The following PDE9A variants were observed in gnomAD, a reference collection of about 807,000 sequenced individuals.
PDE9A encodes phosphodiesterase 9A.
A neutral mutation model predicts 87.4 loss-of-function variants in PDE9A; 60 were observed. The observed-to-expected ratio is 0.69, with a 90% CI of 0.56 to 0.85. PDE9A has a LOEUF of 0.85. Ranked by LOEUF, PDE9A falls within the 40% of genes least tolerant of loss-of-function variation. The pLI, the probability that PDE9A is intolerant of heterozygous loss-of-function variation, is 0.00. For synonymous variants in PDE9A, 272 were observed against 279.4 expected, an observed-to-expected ratio of 0.97 and a Z score of 0.27; for missense variants, 665 against 779.0, an observed-to-expected ratio of 0.85 and a Z score of 1.74.
chr21:42,731,053 G>A (rs1350375131), intron 4 of PDE9A, among the ~76,000 whole-genome samples: 1 of 152,166 alleles, frequency 6.6e-6, no homozygotes, highest in Non-Finnish European at 1.5e-5. Context: ...TGCCTCCCAG[G>A]TTCAAGTGAT....
In PDE9A at chr21:42,763,379, C is replaced by T. The variant is rs904986011; in HGVS notation, c.1242+1140C>T. Among the ~76,000 whole-genome samples the T allele has an allele frequency of 2.6e-5, 4 of 152,044 alleles. No individual in the cohort carries two copies. In the East Asian group the frequency reaches 5.8e-4, roughly 22 times the overall value. Reference sequence around the variant, plus strand: ...AAATCCAAAGACTAGTGTCCTTGGACGAGGAGACAGAGTAGAAAACAGCCC... The same window carrying T: ...AAATCCAAAGACTAGTGTCCTTGGATGAGGAGACAGAGTAGAAAACAGCCC... On this transcript the variant is annotated intron_variant, in intron 14 of 19. Coordinates refer to ENST00000291539, the MANE Select transcript of PDE9A (RefSeq NM_002606.3).
chr21:42,721,555 TGTC>T (rs1291576050), intron 4 of PDE9A, among the ~76,000 whole-genome samples: 3 of 152,228 alleles, frequency 2.0e-5, no homozygotes, highest in Non-Finnish European at 2.9e-5. Flanking sequence ...ATAAAGGAAA[TGTC>T]GTCCTTGATC....
intron 3 of PDE9A, among the ~76,000 whole-genome samples, chr21:42,691,782 C>T (rs1182737426): frequency 6.6e-6 from 1 of 151,790 alleles, no homozygotes; most frequent in Admixed American, 6.6e-5. Context: ...CATCACCATC[C>T]AAAGTCTTCC....
At chr21:42,666,713 C>G (rs1329022272) in intron 1 of PDE9A, among the ~76,000 whole-genome samples, 1 of 152,172 alleles carries the variant, frequency 6.6e-6, no homozygotes. Context: ...ACAAGGACAT[C>G]TCATTTTAAA....
In PDE9A at chr21:42,696,077, C is replaced by A. The variant is rs1172467411; in HGVS notation, c.219-2891C>A. On this transcript the variant is annotated intron_variant, in intron 3 of 19. Transcript: ENST00000291539. This position sits in a 1 kb window ranked among gnomAD's most constrained non-coding sequence, Gnocchi z 5.1. ...GCTCCTGCCCTCAGCTTACCAGACTCCTCGGAGAGGCTGGCCTCTGAATTG... is the reference window on the plus strand; with the variant it reads ...GCTCCTGCCCTCAGCTTACCAGACTACTCGGAGAGGCTGGCCTCTGAATTG... Among the ~76,000 whole-genome samples, 2 of 152,198 alleles carry A rather than the reference C, an allele frequency of 1.3e-5. No individual in the cohort carries two copies. Among genetic ancestry groups the A allele is most frequent in the Non-Finnish European group, 2.9e-5 (2 of 68,036 alleles).
intron 4 of PDE9A, among the ~76,000 whole-genome samples, chr21:42,724,141 G>A (rs1449824473): frequency 6.6e-6 from 1 of 152,148 alleles, no homozygotes; most frequent in Non-Finnish European, 1.5e-5. Context: ...TGGTGCAGGT[G>A]GGATTCACCC....
At chr21:42,679,372 C>CCA (rs1259252938) in intron 1 of PDE9A, among the ~76,000 whole-genome samples, 7 of 151,962 alleles carry the variant, frequency 4.6e-5, no homozygotes, top group Admixed American at 3.3e-4. Context: ...AATCACGCCT[C>CCA]GCGTTCAGCG....
At chr21:42,671,862 A>C (rs891343477) in intron 1 of PDE9A, among the ~76,000 whole-genome samples, 3 of 152,212 alleles carry the variant, frequency 2.0e-5, no homozygotes, top group Non-Finnish European at 4.4e-5. Context: ...TCAAAGATAG[A>C]AATGTGTGAA....
At chr21:42,751,218 A>T (rs2054383683) in intron 9 of PDE9A, 21 bp downstream of exon 9, 1 of 1,558,188 alleles carries the variant, frequency 6.4e-7, no homozygotes, top group African/African-American at 1.4e-5. Flanking sequence ...ATTCCGGCCC[A>T]GAAGAAGCTG....
rs1439222096 is a variant in PDE9A at position 42,660,470 on chromosome 21, T to A, written c.69+6587T>A. On this transcript the variant is annotated intron_variant, in intron 1 of 19. Transcript: ENST00000291539. The surrounding 1 kb of genome is among the most constrained non-coding windows in gnomAD (Gnocchi z 4.7). ...GGTCCAAATATTTTTGAGAAGAAAA[T>A]GTTCTAAGAAAGTGCACAGGGTGGT... Among the ~76,000 whole-genome samples, 1 of 151,732 alleles carries A rather than the reference T, an allele frequency of 6.6e-6. No individual in the cohort carries two copies. Among genetic ancestry groups the A allele is most frequent in the Non-Finnish European group, 1.5e-5 (1 of 67,942 alleles).
In PDE9A at chr21:42,684,642, A is replaced by G. The variant is rs1359056656; in HGVS notation, c.70-1550A>G. Among the ~76,000 whole-genome samples, 4 of 152,312 alleles carry G rather than the reference A, an allele frequency of 2.6e-5. No individual in the cohort carries two copies. The East Asian group carries it at 7.7e-4, about 29-fold the overall frequency. On this transcript the variant is annotated intron_variant, in intron 1 of 19. Coordinates refer to ENST00000291539, the MANE Select transcript of PDE9A (RefSeq NM_002606.3). ...TGGGAGGAGCCAGCAGAGTCCTGCA[A>G]AGGAGGATGTGGGGGAAATGGGGTG...
In PDE9A at chr21:42,759,197, G is replaced by A; in HGVS notation, c.897+112G>A. The A allele has an allele frequency of 4.3e-6, 3 of 704,932 alleles. No homozygotes were observed. The highest frequency in any genetic ancestry group is 5.1e-6 in the Non-Finnish European group (2 of 394,174). The allele number at this position is 704,932 out of a possible 1,614,324, so 43.7% of individuals were successfully genotyped here. A position where few individuals can be genotyped will look rare whatever the true frequency, so the allele number is the denominator to read the frequency against. Reference sequence around the variant, plus strand: ...CCTTCCGGATGGCACTGCGCTCCCTGTGAGCAGAGGTGACATTTCCCCGGG... The same window carrying A: ...CCTTCCGGATGGCACTGCGCTCCCTATGAGCAGAGGTGACATTTCCCCGGG... On this transcript the variant is annotated intron_variant, in intron 11 of 19. Coordinates refer to ENST00000291539, the MANE Select transcript of PDE9A (RefSeq NM_002606.3). The surrounding 1 kb of genome is among the most constrained non-coding windows in gnomAD (Gnocchi z 7.2).
intron 1 of PDE9A, among the ~76,000 whole-genome samples, chr21:42,667,273 A>G (rs189334539): frequency 5.1e-4 from 78 of 152,318 alleles, no homozygotes; most frequent in African/African-American, 1.8e-3. Flanking sequence ...CACCAAATCC[A>G]TGGAAAACAG....
intron 3 of PDE9A, among the ~76,000 whole-genome samples, chr21:42,697,867 C>T (rs533479291): frequency 1.3e-5 from 2 of 152,262 alleles, no homozygotes; most frequent in South Asian, 4.1e-4. Context: ...GTGGGGGTGC[C>T]TCAACATTCA....
chr21:42,704,800 C>T lies in PDE9A; in HGVS notation c.262+5789C>T, dbSNP rs895676755. Among the ~76,000 whole-genome samples the T allele has an allele frequency of 6.6e-6, 1 of 152,258 alleles. No homozygotes were observed. Among genetic ancestry groups the T allele is most frequent in the Non-Finnish European group, 1.5e-5 (1 of 68,042 alleles). Reference sequence around the variant, plus strand: ...GGGAGGCCAACGCCACACAGCCCCACACCCAGCCTTTCCCAAGGCCCTGGG... The same window carrying T: ...GGGAGGCCAACGCCACACAGCCCCATACCCAGCCTTTCCCAAGGCCCTGGG... On this transcript the variant is annotated intron_variant, in intron 4 of 19. Transcript: ENST00000291539. This position sits in a 1 kb window ranked among gnomAD's most constrained non-coding sequence, Gnocchi z 5.3.
chr21:42,668,905 G>GCC (rs199971347), intron 1 of PDE9A, among the ~76,000 whole-genome samples: 3 of 115,730 alleles, frequency 2.6e-5, no homozygotes, highest in South Asian at 2.6e-4. Flanking sequence ...TCCACCCCCC[G>GCC]CCACGTCCCA....
intron 17 of PDE9A, among the ~76,000 whole-genome samples, chr21:42,770,369 T>C (rs1435670178): frequency 6.6e-6 from 1 of 152,088 alleles, no homozygotes; most frequent in Non-Finnish European, 1.5e-5. Flanking sequence ...CCCACCCACT[T>C]CCCACTCCCA....
In PDE9A at chr21:42,694,477, C is replaced by T. The variant is rs2060039238; in HGVS notation, c.219-4491C>T. On this transcript the variant is annotated intron_variant, in intron 3 of 19. Transcript: ENST00000291539. The surrounding 1 kb of genome is among the most constrained non-coding windows in gnomAD (Gnocchi z 5.3). ...ATGAAATCTCCAAATTCCAAGGGCT[C>T]TTGACAGACCACCTCCATCCTGATC... Among the ~76,000 whole-genome samples, 1 of 152,190 alleles carries T rather than the reference C, an allele frequency of 6.6e-6. No individual in the cohort carries two copies. Among genetic ancestry groups the T allele is most frequent in the Non-Finnish European group, 1.5e-5 (1 of 68,040 alleles).
intron 17 of PDE9A, among the ~76,000 whole-genome samples, 159 bp downstream of exon 17, chr21:42,769,314 C>T (rs2056701930): frequency 6.6e-6 from 1 of 150,704 alleles, no homozygotes; most frequent in African/African-American, 2.5e-5. Context: ...CAGGCACATA[C>T]ACATATACAC....
Sources: gnomAD v4.1 joint callset for allele counts (sites outside exome capture counted in the v4.1 genomes callset) on GRCh38, gnomAD v4.1.1 for gene constraint, Gnocchi (gnomAD v3.1) non-coding constraint, MANE v1.5 for transcripts, NCBI Gene and HGNC (gene_info 2026-07-23, HGNC 2026-07-21) for gene names.